ATP23: variants seen among roughly 807,000 people sequenced by gnomAD.
ATP23 encodes ATP23 metallopeptidase and ATP synthase assembly factor homolog.
A neutral mutation model predicts 28.5 loss-of-function variants in ATP23; 24 were observed. That is an observed-to-expected ratio of 0.84 (90% confidence interval 0.61 to 1.18). ATP23 has a LOEUF of 1.18. ATP23 is among the 50% of genes most tolerant of loss of function. ATP23 has a pLI of 0.00. For missense variants in ATP23, 274 were observed against 306.4 expected (o/e 0.89, Z 0.79); for synonymous variants, 99 against 108.6 (o/e 0.91, Z 0.55).
rs746877145 is a variant in ATP23 at position 57,956,718 on chromosome 12, T to C, written c.569T>C (p.Ile190Thr). Residue 190 changes from isoleucine (I) to threonine (T), a missense_variant, in exon 6 of 6, where the codon ATC becomes ACC. Transcript: ENST00000300145. ...TCVRDRATLS[I>T]LAVRNISKEV... ...GTGCGAGACAGAGCCACTCTTTCTA[T>C]CCTGGCTGTTAGGAATATCAGCAAA... 92 of 1,613,792 alleles carry C rather than the reference T, an allele frequency of 5.7e-5. No homozygotes were observed. Among genetic ancestry groups the C allele is most frequent in the Non-Finnish European group, 7.5e-5 (89 of 1,179,926 alleles).
At chr12:57,946,343 G>T (rs1956760487) in intron 2 of ATP23, among the ~76,000 whole-genome samples, 1 of 151,952 alleles carries the variant, frequency 6.6e-6, no homozygotes, top group Non-Finnish European at 1.5e-5. Flanking sequence ...GTATAACTTT[G>T]AGGGGTTTAA....
chr12:57,946,742 C>T (rs572273892), intron 2 of ATP23, among the ~76,000 whole-genome samples: 104 of 152,216 alleles, frequency 6.8e-4, no homozygotes, highest in Non-Finnish European at 1.3e-3. Context: ...AGGCGTGAGC[C>T]ACCGCGCCTG....
In ATP23 at chr12:57,941,860, G is replaced by C. The variant is rs761142116; in HGVS notation, c.159G>C (p.Gln53His). 7 of 1,613,556 alleles carry C rather than the reference G, an allele frequency of 4.3e-6. No individual in the cohort carries two copies. The African/African-American group carries it at 8.0e-5, about 18-fold the overall frequency. Residue 53 changes from glutamine to histidine, a missense_variant, in exon 1 of 6, where the codon CAG (glutamine) becomes CAC (histidine). Coordinates refer to ENST00000300145, the MANE Select transcript of ATP23 (RefSeq NM_033276.4). ...SSFFTSNQKC[Q>H]LRLLKTLETN... ...TCTTCACCAGCAACCAGAAGTGCCAGCTTAGGCTCCTGAAGACGCTGGAGA... is the reference window on the plus strand; with the variant it reads ...TCTTCACCAGCAACCAGAAGTGCCACCTTAGGCTCCTGAAGACGCTGGAGA...
At chr12:57,944,058 G>GT (rs1274725003) in intron 1 of ATP23, among the ~76,000 whole-genome samples, 33 of 108,316 alleles carry the variant, frequency 3.0e-4, no homozygotes, top group South Asian at 1.4e-3. Context: ...ACTAAACCAT[G>GT]GTTTTTTTTT....
At chr12:57,944,682 G>A (rs1341266104) in intron 1 of ATP23, among the ~76,000 whole-genome samples, 1 of 152,204 alleles carries the variant, frequency 6.6e-6, no homozygotes, top group Admixed American at 6.5e-5. Context: ...TCTGCCACAT[G>A]TAACTTCCAT....
chr12:57,955,348 G>C (rs74776818), intron 5 of ATP23, among the ~76,000 whole-genome samples: 113 of 148,756 alleles, frequency 7.6e-4, no homozygotes, highest in African/African-American at 2.8e-3. Flanking sequence ...CTTTGAAAGA[G>C]GAAGTTTTCC....
intron 1 of ATP23, 77 bp from the exon 2 acceptor site, chr12:57,945,551 A>G (rs1956752291): frequency 7.0e-6 from 9 of 1,286,804 alleles, no homozygotes; most frequent in Admixed American, 1.7e-5. Flanking sequence ...CTTTTTGATA[A>G]TATCTTACAC....
intron 3 of ATP23, among the ~76,000 whole-genome samples, chr12:57,948,881 T>C (rs1440890178): frequency 1.3e-5 from 2 of 152,228 alleles, no homozygotes; most frequent in African/African-American, 2.4e-5. Flanking sequence ...GCTTTATACA[T>C]GTTATACTTT....
intron 3 of ATP23, among the ~76,000 whole-genome samples, chr12:57,947,818 T>C (rs1956777002): frequency 6.6e-6 from 1 of 152,222 alleles, no homozygotes; most frequent in Admixed American, 6.5e-5. Flanking sequence ...CGACAGAGTC[T>C]TGGAGGTGGT....
chr12:57,944,783 A>G (rs1444520821), intron 1 of ATP23, among the ~76,000 whole-genome samples: 1 of 152,234 alleles, frequency 6.6e-6, no homozygotes, highest in African/African-American at 2.4e-5. Flanking sequence ...GTGTGGTCCT[A>G]GTTAAGTCTT....
intron 4 of ATP23, 90 bp downstream of exon 4, chr12:57,951,985 G>C (rs1435805840): frequency 2.7e-6 from 4 of 1,505,464 alleles, no homozygotes; most frequent in Non-Finnish European, 3.6e-6. Context: ...TTTTCTTACT[G>C]TCATAGTTCT....
At chr12:57,951,693 G>T (rs571099001) in intron 3 of ATP23, 65 bp from the exon 4 acceptor site, 1 of 1,581,100 alleles carries the variant, frequency 6.3e-7, no homozygotes, top group Non-Finnish European at 8.7e-7. Context: ...ATGTGGGAGA[G>T]AAGATCGAGT....
intron 3 of ATP23, 45 bp from the exon 4 acceptor site, chr12:57,951,713 G>C (rs764031634): frequency 3.1e-6 from 5 of 1,605,392 alleles, no homozygotes; most frequent in Non-Finnish European, 4.3e-6. Context: ...TCTATGGAAG[G>C]AGATTTTAGA....
intron 4 of ATP23, among the ~76,000 whole-genome samples, chr12:57,952,418 G>C (rs1444740237): frequency 1.3e-4 from 20 of 152,150 alleles, no homozygotes; most frequent in Non-Finnish European, 1.5e-5. Flanking sequence ...TAACTAGCTT[G>C]CCCAGCTGCC....
intron 1 of ATP23, among the ~76,000 whole-genome samples, chr12:57,944,009 AATTTT>A (rs1956735319): frequency 6.8e-6 from 1 of 147,296 alleles, no homozygotes; most frequent in Admixed American, 6.8e-5. Context: ...TCACCAAAGC[AATTTT>A]ATTCTAAATA....
Position 57,941,801 on chromosome 12 carries a change from C to T in ATP23, c.100C>T (p.Gln34Ter), listed in dbSNP as rs1373689654. The change falls in exon 1 of 6, where the codon CAG becomes TAG. Residue 34 changes from glutamine (Q) to a stop codon, truncating the protein, a stop_gained. Transcript: ENST00000300145. LOFTEE classifies it high-confidence loss of function. ...CCAGGTCTTCCCCGAGCGTCTGGCC[C>T]AGGGGAATCCCCAGCAAGGGTTCTT... Reference protein sequence around the residue: ...SCQVFPERLAQGNPQQGFFSS... With the variant: ...SCQVFPERLA 2.5e-6 allele frequency: 4 copies of T among 1,611,510 alleles called. No homozygotes were observed. Among genetic ancestry groups the T allele is most frequent in the South Asian group, 1.1e-5 (1 of 90,494 alleles).
chr12:57,957,188 A>G lies in ATP23; in HGVS notation c.*298A>G, dbSNP rs1956877275. 1 of 238,266 alleles carries G rather than the reference A, an allele frequency of 4.2e-6. No individual in the cohort carries two copies. Among genetic ancestry groups the G allele is most frequent in the Non-Finnish European group, 8.0e-6 (1 of 125,360 alleles). The allele number at this position is 238,266 out of a possible 1,614,324, so 14.8% of individuals were successfully genotyped here. A position where few individuals can be genotyped will look rare whatever the true frequency, so the allele number is the denominator to read the frequency against. On this transcript the variant is annotated 3_prime_UTR_variant, in exon 6 of 6. Transcript: ENST00000300145. Reference sequence around the variant, plus strand: ...TGATTATTTTAAAATTTGATTATGAAACCTGTGAAGTGTGCTCTTCCATGA... The same window carrying G: ...TGATTATTTTAAAATTTGATTATGAGACCTGTGAAGTGTGCTCTTCCATGA...
chr12:57,951,973 C>T (rs1329612985), intron 4 of ATP23, 78 bp downstream of exon 4: 3 of 1,549,246 alleles, frequency 1.9e-6, no homozygotes, highest in African/African-American at 1.4e-5. Flanking sequence ...TAAATGTATT[C>T]CTTTTCTTAC....
At chr12:57,950,942 A>C (rs1227497629) in intron 3 of ATP23, among the ~76,000 whole-genome samples, 6 of 152,220 alleles carry the variant, frequency 3.9e-5, no homozygotes, top group Non-Finnish European at 8.8e-5. Context: ...GTAGATTATA[A>C]TCTATTATTA....
Sources: allele counts gnomAD v4.1 joint callset (sites outside exome capture counted in the v4.1 genomes callset), GRCh38; gene constraint gnomAD v4.1.1; transcripts MANE v1.5; gene names NCBI Gene and HGNC (gene_info 2026-07-23, HGNC 2026-07-21).